MYO1G: variants seen among roughly 807,000 people sequenced by gnomAD.
MYO1G encodes unconventional myosin-Ig.
In MYO1G, 65 loss-of-function variants were observed where a neutral mutation model predicts 115.3. The ratio of observed to expected loss-of-function variants is 0.56; its 90% confidence interval spans 0.46 to 0.69. The LOEUF (loss-of-function observed/expected upper bound fraction) is 0.69. MYO1G is among the 30% of genes least tolerant of loss of function. MYO1G has a pLI of 0.00. For missense variants in MYO1G, 1,204 were observed against 1,393.5 expected, an observed-to-expected ratio of 0.86 and a Z score of 2.16; for synonymous variants, 510 against 552.6, an observed-to-expected ratio of 0.92 and a Z score of 1.08.
intron 17 of MYO1G, 59 bp from the exon 18 acceptor site, chr7:44,965,148 C>A (rs1037649328): frequency 1.3e-6 from 2 of 1,555,372 alleles, no homozygotes; most frequent in African/African-American, 1.4e-5. Flanking sequence ...CTCCCTGAGC[C>A]CCCTCTCCAC....
At chr7:44,976,504 T>A (rs1486621233) in intron 3 of MYO1G, 60 bp downstream of exon 3, 2 of 1,529,722 alleles carry the variant, frequency 1.3e-6, no homozygotes, top group African/African-American at 2.7e-5. Flanking sequence ...CAGCCCTTCC[T>A]GCCACACTGA....
Position 44,964,732 on chromosome 7 carries a change from C to T in MYO1G, c.2526+213G>A, listed in dbSNP as rs575871018. Among the ~76,000 whole-genome samples, 1 of 152,300 alleles carries T rather than the reference C, an allele frequency of 6.6e-6. No homozygotes were observed. Among genetic ancestry groups the T allele is most frequent in the East Asian group, 1.9e-4 (1 of 5,192 alleles). ...TAGGCTGCATCTGAGCCTGGCCCTCCTGTCATCCACACCCACCCCCGAAGG... is the reference window on the plus strand; with the variant it reads ...TAGGCTGCATCTGAGCCTGGCCCTCTTGTCATCCACACCCACCCCCGAAGG... On this transcript the variant is annotated intron_variant, in intron 18 of 21. Coordinates refer to ENST00000258787, the MANE Select transcript of MYO1G (RefSeq NM_033054.3). This position sits in a 1 kb window ranked among gnomAD's most constrained non-coding sequence, Gnocchi z 5.1.
Position 44,962,687 on chromosome 7 carries a change from G to C in MYO1G, c.*52C>G. 1.4e-6 allele frequency: 2 copies of C among 1,445,958 alleles called. No individual in the cohort carries two copies. The highest frequency in any genetic ancestry group is 1.4e-5 in the South Asian group (1 of 69,596). The allele number at this position is 1,445,958 out of a possible 1,614,324, so 89.6% of individuals were successfully genotyped here. ...GGCTGACTCAGAAGGTTTATTTGCAGCGCTGGCGGGGCGGACAATTGGCGG... is the reference window on the plus strand; with the variant it reads ...GGCTGACTCAGAAGGTTTATTTGCACCGCTGGCGGGGCGGACAATTGGCGG... On this transcript the variant is annotated 3_prime_UTR_variant, in exon 22 of 22. Coordinates refer to ENST00000258787, the MANE Select transcript of MYO1G (RefSeq NM_033054.3). This position sits in a 1 kb window ranked among gnomAD's most constrained non-coding sequence, Gnocchi z 5.3.
chr7:44,962,774 G>C lies in MYO1G; in HGVS notation c.3022C>G (p.Arg1008Gly), dbSNP rs757098246. 2 of 1,492,954 alleles carry C rather than the reference G, an allele frequency of 1.3e-6. No homozygotes were observed. The highest frequency in any genetic ancestry group is 1.8e-6 in the Non-Finnish European group (2 of 1,129,940). The allele number at this position is 1,492,954 out of a possible 1,614,324, so 92.5% of individuals were successfully genotyped here. The change falls in exon 22 of 22, where the codon CGC (arginine) becomes GGC (glycine). Residue 1008 changes from arginine to glycine, a missense_variant. Physicochemically the swap from Arg to Gly is moderately radical, Grantham distance 125. Coordinates refer to ENST00000258787, the MANE Select transcript of MYO1G (RefSeq NM_033054.3). This position sits in a 1 kb window ranked among gnomAD's most constrained non-coding sequence, Gnocchi z 5.3. ...EQPEPDFRCA[R>G]GSFTLLWPSR ...GGCCAGAGCAGGGTGAAGGAGCCGC[G>C]AGCGCAGCGGAAATCGGGCTCTGGC...
rs2128700774 is a variant in MYO1G, at chr7:44,963,379, G to A, written c.2746-255C>T. The stretch of plus-strand genomic sequence containing the variant: ...TTCTAGATCCTTGCTGTCCAACAGG[G>A]CCGCCACTGCTCACCTGTGGATGCT... On this transcript the variant is annotated intron_variant, in intron 20 of 21. Transcript: ENST00000258787. This position sits in a 1 kb window ranked among gnomAD's most constrained non-coding sequence, Gnocchi z 4.1. 6.2e-6 allele frequency: 3 copies of A among 481,150 alleles called. No individual in the cohort carries two copies. Among genetic ancestry groups the A allele is most frequent in the East Asian group, 3.6e-5 (1 of 27,398 alleles). 29.8% of individuals were successfully genotyped at this position (481,150 alleles called of 1,614,324 possible).
chr7:44,975,066 CAG>C, intron 5 of MYO1G, 106 bp downstream of exon 5: 9 of 1,169,550 alleles, frequency 7.7e-6, no homozygotes, highest in Non-Finnish European at 1.2e-5. Context: ...GTTGAGTGGG[CAG>C]AGAGGGGGAA....
Position 44,969,726 on chromosome 7 carries a change from G to A in MYO1G, c.1482C>T (p.His494=), listed in dbSNP as rs3735484. The A allele has an allele frequency of 0.41, 652,140 of 1,610,064 alleles. 133,975 individuals carry two copies. The highest frequency in any genetic ancestry group is 0.65 in the East Asian group (29,004 of 44,770). ...GCACCTGGCGGCTGGTGTAGTGTAG[G>A]TGATGGCGGTGGTGCATGTCCAGGG... ...LQTLDMHHRH[H]LHYTSRQLCP... is the part of the protein sequence containing the mutation. The change falls in exon 11 of 22, where the codon CAC becomes CAT. Residue 494 remains histidine, a synonymous_variant. Transcript: ENST00000258787. This position sits in a 1 kb window ranked among gnomAD's most constrained non-coding sequence, Gnocchi z 5.0.
At chr7:44,967,996 G>C (rs1473090573) in intron 12 of MYO1G, 38 bp from the exon 13 acceptor site, 2 of 1,588,390 alleles carry the variant, frequency 1.3e-6, no homozygotes, top group Admixed American at 3.4e-5. Context: ...GCAGGGGCGG[G>C]GGCTGCCAGG....
chr7:44,964,008 C>T lies in MYO1G; in HGVS notation c.2745+41G>A, dbSNP rs1245724417. 6.0e-6 allele frequency: 9 copies of T among 1,489,958 alleles called. No individual in the cohort carries two copies. Among genetic ancestry groups the T allele is most frequent in the Non-Finnish European group, 8.2e-6 (9 of 1,091,700 alleles). The allele number at this position is 1,489,958 out of a possible 1,614,324, so 92.3% of individuals were successfully genotyped here. On this transcript the variant is annotated intron_variant, in intron 20 of 21. Coordinates refer to ENST00000258787, the MANE Select transcript of MYO1G (RefSeq NM_033054.3). This position sits in a 1 kb window ranked among gnomAD's most constrained non-coding sequence, Gnocchi z 5.1. ...GACTCTGAGCAGCCCAGCAGTGCCCCTCACAGATGCTGCACCCTACTCCCC... is the reference window on the plus strand; with the variant it reads ...GACTCTGAGCAGCCCAGCAGTGCCCTTCACAGATGCTGCACCCTACTCCCC...
Position 44,970,112 on chromosome 7 carries a change from C to T in MYO1G, c.1260G>A (p.Gln420=), listed in dbSNP as rs1794927149. 1.2e-6 allele frequency: 2 copies of T among 1,613,960 alleles called. No individual in the cohort carries two copies. The highest frequency in any genetic ancestry group is 1.1e-5 in the South Asian group (1 of 91,090). Residue 420 remains glutamine (Q), a synonymous_variant, in exon 10 of 22, where the codon CAG becomes CAA. Transcript: ENST00000258787. The stretch of plus-strand genomic sequence containing the variant: ...TCAGGATGAGCTGGATGAATAGCTG[C>T]TGCAGCTTCTCGTTGCAGTAGTTGA... ...FCINYCNEKL[Q]QLFIQLILKQ...
Position 44,969,289 on chromosome 7 carries a change from T to G in MYO1G, c.1574+124A>C, listed in dbSNP as rs1583788842. ...GGCATGTTTCAGTGTCTTAAAGGGG[T>G]GGGGGTGGCAGAAGTGGCCATAACA... is the stretch of plus-strand genomic sequence containing the variant. On this transcript the variant is annotated intron_variant, in intron 12 of 21. Transcript: ENST00000258787. This position sits in a 1 kb window ranked among gnomAD's most constrained non-coding sequence, Gnocchi z 5.0. 2 of 822,450 alleles carry G rather than the reference T, an allele frequency of 2.4e-6. No individual in the cohort carries two copies. The highest frequency in any genetic ancestry group is 1.7e-5 in the Admixed American group (1 of 57,474). 50.9% of individuals were successfully genotyped at this position (822,450 alleles called of 1,614,324 possible).
rs1794908249 is a variant in MYO1G at position 44,969,319 on chromosome 7, T to C, written c.1574+94A>G. 3.2e-6 allele frequency: 4 copies of C among 1,258,588 alleles called. No individual in the cohort carries two copies. In the South Asian group the frequency reaches 4.8e-5, roughly 15 times the overall value. The allele number at this position is 1,258,588 out of a possible 1,614,324, so 78.0% of individuals were successfully genotyped here. A position where few individuals can be genotyped will look rare whatever the true frequency, so the allele number is the denominator to read the frequency against. On this transcript the variant is annotated intron_variant, in intron 12 of 21. Coordinates refer to ENST00000258787, the MANE Select transcript of MYO1G (RefSeq NM_033054.3). This position sits in a 1 kb window ranked among gnomAD's most constrained non-coding sequence, Gnocchi z 5.0. ...GTGGCAGAAGTGGCCATAACACCTGTCTCCGAGCCACTCCCCTGAAGCGCT... is the reference window on the plus strand; with the variant it reads ...GTGGCAGAAGTGGCCATAACACCTGCCTCCGAGCCACTCCCCTGAAGCGCT...
intron 6 of MYO1G, 131 bp from the exon 7 acceptor site, chr7:44,971,920 T>C: frequency 1.3e-6 from 1 of 778,876 alleles, no homozygotes; most frequent in Non-Finnish European, 2.1e-6. Flanking sequence ...ACCTGATTAC[T>C]CCAGCCTAAG....
At position 44,964,281 on chromosome 7, in the gene MYO1G, G is replaced by T; in HGVS notation, c.2632-119C>A. The T allele has an allele frequency of 7.8e-7, 1 of 1,281,920 alleles. No individual in the cohort carries two copies. Among genetic ancestry groups the T allele is most frequent in the Non-Finnish European group, 1.1e-6 (1 of 896,468 alleles). The allele number at this position is 1,281,920 out of a possible 1,614,324, so 79.4% of individuals were successfully genotyped here. On this transcript the variant is annotated intron_variant, in intron 19 of 21. Coordinates refer to ENST00000258787, the MANE Select transcript of MYO1G (RefSeq NM_033054.3). The surrounding 1 kb of genome is among the most constrained non-coding windows in gnomAD (Gnocchi z 5.1). ...GGCGACAGTTTTGGGAGTGTCAGGAGCAGCTGGGCCTGGGCTGGGGTTGCC... is the reference window on the plus strand; with the variant it reads ...GGCGACAGTTTTGGGAGTGTCAGGATCAGCTGGGCCTGGGCTGGGGTTGCC...
chr7:44,967,240 GC>G (rs1182135073), intron 14 of MYO1G, among the ~76,000 whole-genome samples: 11 of 152,366 alleles, frequency 7.2e-5, no homozygotes, highest in Admixed American at 4.6e-4. Flanking sequence ...GAAAGCTTGT[GC>G]CAGTTTCCTG....
rs144886120 is a variant in MYO1G at position 44,971,466 on chromosome 7, G to A, written c.846+207C>T. 3.9e-3 allele frequency among the ~76,000 whole-genome samples: 601 copies of A among 152,298 alleles called. 1 individual carries two copies. The highest frequency in any genetic ancestry group is 0.014 in the African/African-American group (574 of 41,552). ...CTGCATGATGCTCAGCTTTTACTGC[G>A]CCTGGCTGACCTGGCCCTAAGAATG... is the stretch of plus-strand genomic sequence containing the variant. On this transcript the variant is annotated intron_variant, in intron 7 of 21. Coordinates refer to ENST00000258787, the MANE Select transcript of MYO1G (RefSeq NM_033054.3).
rs933128118 is a variant in MYO1G at position 44,964,598 on chromosome 7, G to A, written c.2527-79C>T. On this transcript the variant is annotated intron_variant, in intron 18 of 21. Transcript: ENST00000258787. The surrounding 1 kb of genome is among the most constrained non-coding windows in gnomAD (Gnocchi z 5.1). ...GACTCAATTGATAGCAGCTGTCTGT[G>A]AATCAGCATAGCTATCCTTCATCTC... 3.5e-6 allele frequency: 4 copies of A among 1,143,766 alleles called. No individual in the cohort carries two copies. The highest frequency in any genetic ancestry group is 4.0e-6 in the Non-Finnish European group (3 of 755,378). 70.9% of individuals were successfully genotyped at this position (1,143,766 alleles called of 1,614,324 possible).
intron 3 of MYO1G, 63 bp downstream of exon 3, chr7:44,976,501 T>C: frequency 7.3e-6 from 11 of 1,514,902 alleles, no homozygotes; most frequent in Non-Finnish European, 1.0e-5. Flanking sequence ...AGCCAGCCCT[T>C]CCTGCCACAC....
chr7:44,967,790 A>C, intron 13 of MYO1G, 53 bp from the exon 14 acceptor site: 5 of 1,611,316 alleles, frequency 3.1e-6, no homozygotes, highest in Non-Finnish European at 4.2e-6. Flanking sequence ...AGCCCCACCC[A>C]CCCACGTCCT....
Sources: gnomAD v4.1 joint callset for allele counts (sites outside exome capture counted in the v4.1 genomes callset) on GRCh38, gnomAD v4.1.1 for gene constraint, Gnocchi (gnomAD v3.1) non-coding constraint, MANE v1.5 for transcripts, NCBI Gene and HGNC (gene_info 2026-07-23, HGNC 2026-07-21) for gene names.